Variants in CHRM2 observed in about 807,000 individuals in gnomAD.
CHRM2 encodes the protein cholinergic receptor muscarinic 2.
In CHRM2, 8 loss-of-function variants were observed where a neutral mutation model predicts 25.0. The observed-to-expected ratio is 0.32, with a 90% CI of 0.19 to 0.58. CHRM2 has a LOEUF of 0.58. Ranked by LOEUF, CHRM2 falls within the 20% of genes least tolerant of loss-of-function variation. The probability of loss-of-function intolerance (pLI) is 0.88; values close to 1 mark genes in which losing one functional copy is unlikely to be tolerated. For missense variants in CHRM2, 440 were observed against 567.1 expected (o/e 0.78, Z 2.28); for synonymous variants, 202 against 205.7 (o/e 0.98, Z 0.15).
chr7:137,005,668 T>C (rs1471318852), intron 3 of CHRM2, among the ~76,000 whole-genome samples: 1 of 152,084 alleles, frequency 6.6e-6, no homozygotes, highest in African/African-American at 2.4e-5. Flanking sequence ...ACATAGACCA[T>C]TGAAAAGGAT....
At chr7:136,997,773 G>A (rs990737643) in intron 3 of CHRM2, among the ~76,000 whole-genome samples, 63 of 152,198 alleles carry the variant, frequency 4.1e-4, no homozygotes, top group African/African-American at 1.4e-3. Context: ...GTTGTAGCAT[G>A]TCTGAAACAT....
At chr7:136,995,140 A>C (rs2131035507) in intron 3 of CHRM2, among the ~76,000 whole-genome samples, 1 of 152,288 alleles carries the variant, frequency 6.6e-6, no homozygotes, top group Admixed American at 6.5e-5. Flanking sequence ...GTAGTCAAGT[A>C]CAAAACTAAT....
chr7:136,968,270 T>C (rs1338480435), intron 2 of CHRM2, among the ~76,000 whole-genome samples: 1 of 151,980 alleles, frequency 6.6e-6, no homozygotes, highest in Non-Finnish European at 1.5e-5. Context: ...GATAAGTATA[T>C]GAAAAAATGC....
At chr7:137,000,547 A>AGAAGGAAGGGAGGAAAGAAGGAAG (rs1803942464) in intron 3 of CHRM2, among the ~76,000 whole-genome samples, 1 of 95,174 alleles carries the variant, frequency 1.1e-5, no homozygotes, top group African/African-American at 3.6e-5. Context: ...AAAGAAAGAA[A>AGAAGGAAGGGAGGAAAGAAGGAAG]GAAGGAAGGA....
At chr7:136,994,233 C>A (rs946059745) in intron 3 of CHRM2, among the ~76,000 whole-genome samples, 4 of 152,154 alleles carry the variant, frequency 2.6e-5, no homozygotes, top group African/African-American at 9.7e-5. Context: ...TCAAAAGTGT[C>A]AGAGCTCAAA....
At chr7:136,930,749 C>T (rs1799032130) in intron 2 of CHRM2, among the ~76,000 whole-genome samples, 1 of 151,456 alleles carries the variant, frequency 6.6e-6, no homozygotes, top group African/African-American at 2.4e-5. Flanking sequence ...TACAAAAAAT[C>T]AGCCAGTTGT....
chr7:136,874,335 G>A (rs1795961291), intron 2 of CHRM2, among the ~76,000 whole-genome samples: 1 of 151,970 alleles, frequency 6.6e-6, no homozygotes, highest in African/African-American at 2.4e-5. Flanking sequence ...ATATATCTTT[G>A]TCTTACTTTA....
intron 2 of CHRM2, among the ~76,000 whole-genome samples, chr7:136,977,388 CTTTTT>C (rs11348259): frequency 6.6e-6 from 1 of 151,232 alleles, no homozygotes; most frequent in South Asian, 2.1e-4. Flanking sequence ...TTCCCTGAAT[CTTTTT>C]TTTTTCTTTT....
chr7:136,935,547 A>C (rs555438024), intron 2 of CHRM2, among the ~76,000 whole-genome samples: 2 of 152,190 alleles, frequency 1.3e-5, no homozygotes, highest in Non-Finnish European at 2.9e-5. Flanking sequence ...TTGAACTCGA[A>C]ATTGTCCTCG....
chr7:137,015,751 A>G lies in CHRM2; in HGVS notation c.886A>G (p.Met296Val), dbSNP rs1304033517. ...STSVSAVASNMRDDEITQDEN... is the reference protein window; with the variant it reads ...STSVSAVASNVRDDEITQDEN... Reference sequence around the variant, plus strand: ...CTCAGTCAGTGCTGTTGCCTCTAATATGAGAGATGATGAAATAACCCAGGA... The same window carrying G: ...CTCAGTCAGTGCTGTTGCCTCTAATGTGAGAGATGATGAAATAACCCAGGA... The change falls in exon 4 of 4, where the codon ATG becomes GTG. Residue 296 changes from methionine to valine, a missense_variant. Physicochemically the swap from Met to Val is conservative, Grantham distance 21. Transcript: ENST00000680005. This position sits in a 1 kb window ranked among gnomAD's most constrained non-coding sequence, Gnocchi z 5.1. 3.7e-6 allele frequency: 6 copies of G among 1,613,064 alleles called. No individual in the cohort carries two copies. Among genetic ancestry groups the G allele is most frequent in the Non-Finnish European group, 2.5e-6 (3 of 1,179,512 alleles).
chr7:136,955,812 G>A (rs1280482544), intron 2 of CHRM2, among the ~76,000 whole-genome samples: 1 of 152,110 alleles, frequency 6.6e-6, no homozygotes, highest in East Asian at 1.9e-4. Flanking sequence ...AGTAATAAAG[G>A]TCTGTTCTCT....
intron 2 of CHRM2, among the ~76,000 whole-genome samples, chr7:136,915,321 G>GT (rs1189283219): frequency 6.6e-6 from 1 of 151,856 alleles, no homozygotes; most frequent in Non-Finnish European, 1.5e-5. Context: ...AATTAAGGCT[G>GT]TGCATGCACA....
chr7:136,883,278 C>T (rs921807087), intron 2 of CHRM2, among the ~76,000 whole-genome samples: 4 of 152,118 alleles, frequency 2.6e-5, no homozygotes, highest in African/African-American at 9.7e-5. Flanking sequence ...TCCGGTGTCT[C>T]CCAAAGGGTA....
chr7:136,999,124 C>T (rs1053115213), intron 3 of CHRM2, among the ~76,000 whole-genome samples: 1 of 152,126 alleles, frequency 6.6e-6, no homozygotes, highest in Non-Finnish European at 1.5e-5. Context: ...TTTCCCTACC[C>T]TGTTTATTTG....
Position 137,016,081 on chromosome 7 carries a change from A to G in CHRM2, c.1216A>G (p.Met406Val). The G allele has an allele frequency of 6.2e-7, 1 of 1,612,514 alleles. No individual in the cohort carries two copies. The highest frequency in any genetic ancestry group is 1.1e-5 in the South Asian group (1 of 91,000). The stretch of plus-strand genomic sequence containing the variant: ...CATCACTTGGGCCCCATACAATGTC[A>G]TGGTGCTCATTAACACCTTTTGTGC... ...FIITWAPYNVMVLINTFCAPC... is the reference protein window; with the variant it reads ...FIITWAPYNVVVLINTFCAPC... Residue 406 changes from methionine to valine, a missense_variant, in exon 4 of 4, where the codon ATG becomes GTG. Met to Val is a conservative substitution (Grantham distance 21). Around this residue, in one of 5 missense-constraint regions of CHRM2, gnomAD observed 65 missense variants for 108.9 expected, o/e 0.60. Coordinates refer to ENST00000680005, the MANE Select transcript of CHRM2 (RefSeq NM_001006630.2).
At chr7:136,892,286 T>C (rs1563049038) in intron 2 of CHRM2, among the ~76,000 whole-genome samples, 1 of 152,196 alleles carries the variant, frequency 6.6e-6, no homozygotes, top group Non-Finnish European at 1.5e-5. Flanking sequence ...GAGAATAAAC[T>C]TTAAGAAGAC....
In CHRM2 at chr7:136,930,728, T is replaced by C. The variant is rs560820423; in HGVS notation, c.-125+61310T>C. Among the ~76,000 whole-genome samples the C allele has an allele frequency of 2.0e-5, 3 of 151,520 alleles. No individual in the cohort carries two copies. In the East Asian group the frequency reaches 5.8e-4, roughly 30 times the overall value. On this transcript the variant is annotated intron_variant, in intron 2 of 3. Transcript: ENST00000680005. ...GTGGTTAACACGGTGAAACCCCGTC[T>C]CTACTAAAAATACAAAAAATCAGCC... is the stretch of plus-strand genomic sequence containing the variant.
At chr7:136,983,895 C>T (rs1375512491) in intron 2 of CHRM2, among the ~76,000 whole-genome samples, 2 of 152,158 alleles carry the variant, frequency 1.3e-5, no homozygotes, top group East Asian at 3.9e-4. Context: ...GATGTCTCCC[C>T]ATCAGGAGGC....
intron 2 of CHRM2, among the ~76,000 whole-genome samples, chr7:136,932,173 C>T (rs1239549362): frequency 6.6e-6 from 1 of 152,110 alleles, no homozygotes; most frequent in Non-Finnish European, 1.5e-5. Context: ...GAATACAGCG[C>T]ACAACTGTTT....
Sources: allele counts gnomAD v4.1 joint callset (sites outside exome capture counted in the v4.1 genomes callset), GRCh38; gene constraint gnomAD v4.1.1; regional missense constraint gnomAD v4.1.1; non-coding constraint Gnocchi (gnomAD v3.1); transcripts MANE v1.5; gene names NCBI Gene and HGNC (gene_info 2026-07-23, HGNC 2026-07-21).